The following EVC2 variants were observed in gnomAD, a reference collection of about 807,000 sequenced individuals.
The protein encoded by EVC2 is EvC ciliary complex subunit 2, also known as limbin.
A neutral mutation model predicts 149.3 loss-of-function variants in EVC2; 148 were observed. That is an observed-to-expected ratio of 0.99 (90% CI 0.87 to 1.14). The LOEUF is 1.14. Ranked by LOEUF, EVC2 falls within the 50% of genes most tolerant of loss-of-function variation. The pLI is 0.00. For synonymous variants in EVC2, 776 were observed against 649.9 expected (o/e 1.19, Z -2.95); for missense variants, 1,854 against 1,627.3 (o/e 1.14, Z -2.40).
intron 21 of EVC2, among the ~76,000 whole-genome samples, chr4:5,552,426 T>A (rs527456375): frequency 6.6e-6 from 1 of 152,324 alleles, no homozygotes; most frequent in African/African-American, 2.4e-5. Flanking sequence ...CTGGCTTGTA[T>A]AAAAAAGGCT....
intron 19 of EVC2, among the ~76,000 whole-genome samples, chr4:5,573,574 C>T (rs1003128954): frequency 3.3e-5 from 5 of 152,182 alleles, no homozygotes; most frequent in African/African-American, 4.8e-5. Context: ...CTAAAGCTTC[C>T]GAAAGGCAGG....
rs1722950495 is a variant in EVC2, at chr4:5,576,581, A to G, written c.3058-127T>C. The stretch of plus-strand genomic sequence containing the variant: ...CTCTGTCTTGCCTGGTTCCCCATCC[A>G]GCTGTGCCACATGGTGCAATGTGAG... On this transcript the variant is annotated intron_variant, in intron 17 of 21. Coordinates refer to ENST00000344408, the MANE Select transcript of EVC2 (RefSeq NM_147127.5). The surrounding 1 kb of genome is among the most constrained non-coding windows in gnomAD (Gnocchi z 4.5). 3.3e-6 allele frequency: 5 copies of G among 1,508,256 alleles called. No individual in the cohort carries two copies. The highest frequency in any genetic ancestry group is 3.6e-6 in the Non-Finnish European group (4 of 1,124,786). The allele number at this position is 1,508,256 out of a possible 1,614,324, so 93.4% of individuals were successfully genotyped here.
In EVC2 at chr4:5,685,426, C is replaced by T. The variant is rs781655349; in HGVS notation, c.760G>A (p.Gly254Arg). ...YAATLQAGDL[G>R]NGESLKLPAQ... ...GGAAGCTTGAGGCTCTCCCCGTTCC[C>T]GAGGTCTCCAGCCTGGAGCGTGGCT... The change falls in exon 6 of 22, where the codon GGG becomes AGG. Residue 254 changes from glycine (G) to arginine (R), a missense_variant. Physicochemically the swap from Gly to Arg is moderately radical, Grantham distance 125. Transcript: ENST00000344408. 26 of 1,614,084 alleles carry T rather than the reference C, an allele frequency of 1.6e-5. No individual in the cohort carries two copies. The highest frequency in any genetic ancestry group is 1.6e-4 in the Middle Eastern group (1 of 6,084).
chr4:5,558,355 G>C (rs1022369660), downstream of EVC2, among the ~76,000 whole-genome samples: 1 of 152,144 alleles, frequency 6.6e-6, no homozygotes, highest in Non-Finnish European at 1.5e-5. Flanking sequence ...GACTGCCAGG[G>C]GTCCAGGTGG....
At chr4:5,552,156 T>G (rs1721750393) in intron 21 of EVC2, among the ~76,000 whole-genome samples, 1 of 152,212 alleles carries the variant, frequency 6.6e-6, no homozygotes, top group Non-Finnish European at 1.5e-5. Context: ...TTCTCAGTGT[T>G]TTGTTATCCA....
chr4:5,593,753 A>G (rs942056613), intron 16 of EVC2, among the ~76,000 whole-genome samples: 2 of 152,146 alleles, frequency 1.3e-5, no homozygotes, highest in African/African-American at 2.4e-5. Context: ...TGCGTGAGCC[A>G]AAGCAGGGAG....
intron 15 of EVC2, among the ~76,000 whole-genome samples, chr4:5,616,720 G>A (rs895338612): frequency 5.9e-5 from 9 of 152,222 alleles, no homozygotes; most frequent in Admixed American, 4.6e-4. Context: ...CTGAGCAAGC[G>A]AAGGGAGCTG....
chr4:5,672,909 T>C, intron 7 of EVC2, among the ~76,000 whole-genome samples: 1 of 152,194 alleles, frequency 6.6e-6, no homozygotes, highest in East Asian at 1.9e-4. Context: ...GGACACGTAC[T>C]GTGTGATTCC....
chr4:5,538,522 A>C (rs1280264279), downstream of EVC2, among the ~76,000 whole-genome samples: 1 of 152,190 alleles, frequency 6.6e-6, no homozygotes, highest in Admixed American at 6.5e-5. Flanking sequence ...ACAAGAAGAG[A>C]AAACCAAAGA....
At chr4:5,649,153 C>T (rs1166261325) in intron 9 of EVC2, among the ~76,000 whole-genome samples, 1 of 152,202 alleles carries the variant, frequency 6.6e-6, no homozygotes, top group Non-Finnish European at 1.5e-5. Context: ...TCTTTACTAC[C>T]TCAACAGCTC....
intron 13 of EVC2, among the ~76,000 whole-genome samples, chr4:5,624,913 T>C (rs796693574): frequency 3.3e-5 from 5 of 152,266 alleles, no homozygotes; most frequent in African/African-American, 1.2e-4. Context: ...TCACTCTGCA[T>C]GTCCCATACA....
intron 21 of EVC2, among the ~76,000 whole-genome samples, chr4:5,548,751 T>C (rs956299652): frequency 6.6e-5 from 10 of 152,208 alleles, no homozygotes; most frequent in African/African-American, 2.4e-4. Context: ...TATCATTTTT[T>C]GTGCTCTTAT....
chr4:5,675,572 C>T (rs1157626459), intron 7 of EVC2, among the ~76,000 whole-genome samples: 1 of 152,202 alleles, frequency 6.6e-6, no homozygotes, highest in African/African-American at 2.4e-5. Flanking sequence ...TTTTCAAAAC[C>T]TTCCCATCTG....
intron 16 of EVC2, among the ~76,000 whole-genome samples, chr4:5,598,332 C>T (rs1263383684): frequency 6.6e-6 from 1 of 151,412 alleles, no homozygotes; most frequent in Non-Finnish European, 1.5e-5. Context: ...TACAAGGCTA[C>T]AGTAACCAAA....
intron 16 of EVC2, among the ~76,000 whole-genome samples, chr4:5,587,396 CATA>C (rs1299711884): frequency 1.3e-5 from 2 of 152,214 alleles, no homozygotes; most frequent in Non-Finnish European, 2.9e-5. Context: ...TTTTACTTCG[CATA>C]ATGTTTTCAA....
At chr4:5,601,348 T>A (rs1713964396) in intron 16 of EVC2, among the ~76,000 whole-genome samples, 1 of 151,762 alleles carries the variant, frequency 6.6e-6, no homozygotes, top group African/African-American at 2.4e-5. Context: ...CTCAAAACAA[T>A]AAGAGAATGT....
chr4:5,623,099 C>T lies in EVC2; in HGVS notation c.2047-108G>A. The T allele has an allele frequency of 3.0e-6, 3 of 1,010,422 alleles. 1 individual carries two copies. The South Asian group carries it at 4.7e-5, about 16-fold the overall frequency. The allele number at this position is 1,010,422 out of a possible 1,614,324, so 62.6% of individuals were successfully genotyped here. On this transcript the variant is annotated intron_variant, in intron 13 of 21. Transcript: ENST00000344408. The stretch of plus-strand genomic sequence containing the variant: ...CACAGAATGTTTATAGCCTTTTCCC[C>T]AACAATCTCACATTTGGAAGTTATT...
intron 16 of EVC2, among the ~76,000 whole-genome samples, chr4:5,590,213 A>T (rs1424547869): frequency 6.6e-6 from 1 of 152,190 alleles, no homozygotes; most frequent in Non-Finnish European, 1.5e-5. Context: ...TGTCAGGGAC[A>T]AGAAGGCAGA....
At chr4:5,697,737 G>T in intron 1 of EVC2, 90 bp from the exon 2 acceptor site, 1 of 1,204,294 alleles carries the variant, frequency 8.3e-7, no homozygotes. Flanking sequence ...CACATGGAGA[G>T]GACATGCACT....
Sources: gnomAD v4.1 joint callset for allele counts (sites outside exome capture counted in the v4.1 genomes callset) on GRCh38, gnomAD v4.1.1 for gene constraint, Gnocchi (gnomAD v3.1) non-coding constraint, MANE v1.5 for transcripts, NCBI Gene and HGNC (gene_info 2026-07-23, HGNC 2026-07-21) for gene names.